The following ZNF385D variants were observed in gnomAD, a reference collection of about 807,000 sequenced individuals.
ZNF385D encodes the protein zinc finger protein 385D.
Under a neutral mutation model 35.8 loss-of-function variants are expected in ZNF385D, and 15 were observed. The ratio of observed to expected loss-of-function variants is 0.42; its 90% CI spans 0.28 to 0.64. The LOEUF (loss-of-function observed/expected upper bound fraction) is 0.64, where lower values mean the gene tolerates loss of function less well. ZNF385D is among the 30% of genes least tolerant of loss of function. ZNF385D has a pLI of 0.23. For missense variants in ZNF385D, 474 were observed against 494.6 expected (o/e 0.96, Z 0.39); for synonymous variants, 212 against 186.8 (o/e 1.13, Z -1.10).
At chr3:21,628,580 T>A (rs2065197874) in intron 2 of ZNF385D, among the ~76,000 whole-genome samples, 1 of 152,100 alleles carries the variant, frequency 6.6e-6, no homozygotes, top group Non-Finnish European at 1.5e-5. Flanking sequence ...ACTCCCTGCC[T>A]AAAAAAGACA....
intron 3 of ZNF385D, chr3:22,134,067 G>C (rs1416048709): frequency 6.6e-6 from 1 of 152,044 alleles, no homozygotes; most frequent in Non-Finnish European, 1.5e-5. Context: ...TCAATTTATA[G>C]ACTTAAATAC....
At chr3:21,800,548 G>A (rs374651616) in intron 3 of ZNF385D, among the ~76,000 whole-genome samples, 29 of 152,292 alleles carry the variant, frequency 1.9e-4, no homozygotes, top group Admixed American at 3.3e-4. Context: ...TAAGGCAGGA[G>A]CATTGCTTGA....
chr3:21,439,423 G>C (rs1429881086), intron 4 of ZNF385D, among the ~76,000 whole-genome samples: 1 of 151,904 alleles, frequency 6.6e-6, no homozygotes, highest in East Asian at 1.9e-4. Flanking sequence ...GCTCTATCAG[G>C]AGTGATAACC....
At chr3:21,604,474 G>A (rs2064416339) in intron 2 of ZNF385D, among the ~76,000 whole-genome samples, 1 of 152,208 alleles carries the variant, frequency 6.6e-6, no homozygotes, top group Admixed American at 6.5e-5. Flanking sequence ...GCTATGCTAA[G>A]AGGAATACTT....
chr3:21,625,991 T>G (rs2065124791), intron 2 of ZNF385D, among the ~76,000 whole-genome samples: 1 of 152,048 alleles, frequency 6.6e-6, no homozygotes, highest in African/African-American at 2.4e-5. Context: ...TATCTCCACT[T>G]AATTTTCAGA....
rs558950290 is a variant in ZNF385D at position 21,458,607 on chromosome 3, T to C, written c.440-21404A>G. ...GGTATATCCTTATAATGGAATATTA[T>C]TCTGGACTAAAAAGGGACAAAGCCA... On this transcript the variant is annotated intron_variant, in intron 4 of 7. Transcript: ENST00000281523. Among the ~76,000 whole-genome samples, 3 of 152,170 alleles carry C rather than the reference T, an allele frequency of 2.0e-5. No homozygotes were observed. The East Asian group carries it at 5.8e-4, about 29-fold the overall frequency.
rs146119117 is a variant in ZNF385D, at chr3:22,008,912, G to A, written c.325+159905C>T. Among the ~76,000 whole-genome samples, 1,121 of 152,278 alleles carry A rather than the reference G, an allele frequency of 7.4e-3. 45 individuals carry two copies. The highest frequency in any genetic ancestry group is 0.065 in the Admixed American group (1,000 of 15,284). On this transcript the variant is annotated intron_variant, in intron 3 of 5. Coordinates refer to the ZNF385D transcript ENST00000494108. Reference sequence around the variant, plus strand: ...ATATCTGAAAATTAATGAGAGGCATGTCTAACATAGGAAGGCAGATTAAAA... The same window carrying A: ...ATATCTGAAAATTAATGAGAGGCATATCTAACATAGGAAGGCAGATTAAAA...
At chr3:21,944,488 CAA>C (rs1235546812) in intron 3 of ZNF385D, among the ~76,000 whole-genome samples, 5 of 152,190 alleles carry the variant, frequency 3.3e-5, no homozygotes, top group African/African-American at 4.8e-5. Flanking sequence ...TAACTGTAGA[CAA>C]AGAGGAACTT....
chr3:22,339,081 G>A (rs1326039557), intron 2 of ZNF385D, among the ~76,000 whole-genome samples: 2 of 152,078 alleles, frequency 1.3e-5, no homozygotes, highest in Non-Finnish European at 2.9e-5. Context: ...ATAAATGTGT[G>A]TGCATACACA....
intron 3 of ZNF385D, among the ~76,000 whole-genome samples, chr3:21,813,404 G>C (rs533083991): frequency 9.9e-5 from 15 of 152,148 alleles, no homozygotes; most frequent in Non-Finnish European, 1.8e-4. Flanking sequence ...AAACTTCTCC[G>C]AGCTAAAGGA....
At chr3:22,313,596 G>A (rs1354390151) in intron 2 of ZNF385D, among the ~76,000 whole-genome samples, 2 of 151,760 alleles carry the variant, frequency 1.3e-5, no homozygotes, top group Admixed American at 6.6e-5. Flanking sequence ...ATGGTTAAGG[G>A]AAAAAAATAA....
At chr3:22,341,216 A>C (rs1695406321) in intron 2 of ZNF385D, among the ~76,000 whole-genome samples, 1 of 152,222 alleles carries the variant, frequency 6.6e-6, no homozygotes, top group Non-Finnish European at 1.5e-5. Flanking sequence ...TCAAACTCTT[A>C]ACATATTATA....
At chr3:21,494,129 A>G (rs1705641369) in intron 4 of ZNF385D, among the ~76,000 whole-genome samples, 1 of 152,304 alleles carries the variant, frequency 6.6e-6, no homozygotes. Context: ...TTACACAAAG[A>G]GATCAAAGAT....
intron 4 of ZNF385D, among the ~76,000 whole-genome samples, chr3:21,483,170 C>CAGGATT (rs1704761040): frequency 6.6e-6 from 1 of 152,102 alleles, no homozygotes; most frequent in Non-Finnish European, 1.5e-5. Flanking sequence ...ACCTCCAACC[C>CAGGATT]TAAATCCTGG....
intron 2 of ZNF385D, among the ~76,000 whole-genome samples, chr3:22,187,130 T>A (rs1203298868): frequency 1.3e-5 from 2 of 152,170 alleles, no homozygotes; most frequent in African/African-American, 4.8e-5. Context: ...TAAAAAGACA[T>A]GAACAAATTC....
At chr3:21,758,975 CAAAAAAAAA>C (rs58450064) in intron 3 of ZNF385D, among the ~76,000 whole-genome samples, 8 of 29,222 alleles carry the variant, frequency 2.7e-4, no homozygotes, top group African/African-American at 5.5e-4. Flanking sequence ...TCATCACTGG[CAAAAAAAAA>C]AAAAAAAAAA....
intron 2 of ZNF385D, among the ~76,000 whole-genome samples, chr3:22,187,499 C>T (rs1695716749): frequency 6.6e-6 from 1 of 152,044 alleles, no homozygotes; most frequent in Non-Finnish European, 1.5e-5. Flanking sequence ...GATACACACA[C>T]ACACAAAGAC....
At chr3:21,424,317 ATTT>A (rs1213225859) in intron 6 of ZNF385D, among the ~76,000 whole-genome samples, 8 of 63,796 alleles carry the variant, frequency 1.3e-4, no homozygotes, top group Middle Eastern at 0.012. Context: ...ATATATATAT[ATTT>A]TTTTTTTTTT....
intron 2 of ZNF385D, among the ~76,000 whole-genome samples, chr3:22,174,989 C>G (rs1380439259): frequency 2.0e-5 from 3 of 151,770 alleles, no homozygotes; most frequent in Non-Finnish European, 2.9e-5. Flanking sequence ...AAGAATCCAC[C>G]AATACTGACT....
Sources: allele counts gnomAD v4.1 joint callset (sites outside exome capture counted in the v4.1 genomes callset), GRCh38; gene constraint gnomAD v4.1.1; transcripts MANE v1.5; gene names NCBI Gene and HGNC (gene_info 2026-07-23, HGNC 2026-07-21).